Variants in CTSC observed in about 807,000 individuals in gnomAD.
CTSC encodes the protein dipeptidyl peptidase 1.
CTSC carries 37 observed loss-of-function variants against 40.9 expected under a neutral mutation model. The ratio of observed to expected loss-of-function variants is 0.91; its 90% CI spans 0.70 to 1.19. CTSC has a LOEUF of 1.19. Among genes scored for constraint, CTSC ranks in the 50% most tolerant of loss-of-function variants. The pLI is 0.00. For synonymous variants in CTSC, 232 were observed against 207.4 expected (o/e 1.12, Z -1.02); for missense variants, 594 against 567.3 (o/e 1.05, Z -0.48).
intron 4 of CTSC, among the ~76,000 whole-genome samples, chr11:88,304,587 A>G (rs372877398): frequency 1.3e-5 from 2 of 152,216 alleles, no homozygotes; most frequent in Admixed American, 6.5e-5. Flanking sequence ...GATGAGGCTG[A>G]GACCTACTGG....
chr11:88,311,766 G>A (rs1419377518), intron 3 of CTSC, among the ~76,000 whole-genome samples: 1 of 152,180 alleles, frequency 6.6e-6, no homozygotes, highest in Non-Finnish European at 1.5e-5. Context: ...TATAAGAAGA[G>A]GACATTAGGA....
intron 2 of CTSC, among the ~76,000 whole-genome samples, chr11:88,316,611 A>G (rs1048996450): frequency 9.8e-5 from 8 of 81,226 alleles, no homozygotes; most frequent in Admixed American, 5.1e-4. Context: ...CCACAAAAAC[A>G]TAACTATGAC....
At chr11:88,296,799 C>G (rs1944303768) in intron 5 of CTSC, 1 of 176,504 alleles carries the variant, frequency 5.7e-6, no homozygotes, top group East Asian at 1.5e-4. Flanking sequence ...AGAGAGAACT[C>G]TCATCCCTTC....
chr11:88,318,267 T>C (rs1220626154), intron 2 of CTSC, among the ~76,000 whole-genome samples: 1 of 152,244 alleles, frequency 6.6e-6, no homozygotes, highest in East Asian at 1.9e-4. Context: ...GTCTGTCACT[T>C]ATCATTTACG....
chr11:88,326,655 AACATGCTTTAGAAGC>A (rs1474121204), intron 2 of CTSC, among the ~76,000 whole-genome samples: 1 of 152,230 alleles, frequency 6.6e-6, no homozygotes, highest in East Asian at 1.9e-4. Context: ...ACATGCAACC[AACATGCTTTAGAAGC>A]ACATGCATCT....
At position 88,300,624 on chromosome 11, in the gene CTSC, A is replaced by G; in HGVS notation, c.663T>C (p.Thr221=). 6.2e-7 allele frequency: 1 copy of G among 1,613,042 alleles called. No homozygotes were observed. ...GCAAAATCTTTTGCTGTATTTCAGC[A>G]GTCAGTGGTGCAGGTTTGGGCCTAG... The part of the protein sequence containing the change: ...KIPRPKPAPL[T]AEIQQKILHL... Residue 221 remains threonine (T), a synonymous_variant, in exon 5 of 7, where the codon ACT becomes ACC. Coordinates refer to ENST00000227266, the MANE Select transcript of CTSC (RefSeq NM_001814.6).
chr11:88,298,188 G>A (rs931680179), intron 5 of CTSC: 2 of 152,028 alleles, frequency 1.3e-5, no homozygotes, highest in South Asian at 4.1e-4. Context: ...TAGACTTTAC[G>A]CATTATGAAA....
chr11:88,334,479 A>G (rs1229418533), intron 2 of CTSC, among the ~76,000 whole-genome samples: 1 of 152,204 alleles, frequency 6.6e-6, no homozygotes, highest in Non-Finnish European at 1.5e-5. Flanking sequence ...CAACATATTT[A>G]GTACATTTAA....
rs1193333887 is a variant in CTSC at position 88,293,644 on chromosome 11, T to G, written c.*362A>C. On this transcript the variant is annotated 3_prime_UTR_variant, in exon 7 of 7. Transcript: ENST00000227266. ...AAAATATGAGCATCTATTTTAAAAG[T>G]TTTGATAATTATTGCCATTATTTTC... The G allele has an allele frequency of 4.2e-6, 1 of 240,452 alleles. No homozygotes were observed. The highest frequency in any genetic ancestry group is 2.3e-5 in the African/African-American group (1 of 44,048). 14.9% of individuals were successfully genotyped at this position (240,452 alleles called of 1,614,324 possible).
At chr11:88,296,056 C>G (rs1000174430) in intron 6 of CTSC, 77 bp downstream of exon 6, 10 of 1,487,666 alleles carry the variant, frequency 6.7e-6, no homozygotes, top group South Asian at 5.7e-5. Flanking sequence ...ACTGCATCAT[C>G]CTTTTGCCTT....
chr11:88,337,698 G>T lies in CTSC; in HGVS notation c.-26C>A. The T allele has an allele frequency of 1.3e-6, 2 of 1,557,558 alleles. No individual in the cohort carries two copies. On this transcript the variant is annotated 5_prime_UTR_variant, in exon 1 of 7. Transcript: ENST00000227266. Reference sequence around the variant, plus strand: ...GCTGCAGGGAGCTGAGAAAAGAGGTGAAGAATTACCAGGAAGCCGAGCGCT... The same window carrying T: ...GCTGCAGGGAGCTGAGAAAAGAGGTTAAGAATTACCAGGAAGCCGAGCGCT...
intron 2 of CTSC, among the ~76,000 whole-genome samples, chr11:88,327,460 C>T (rs1591241064): frequency 6.6e-6 from 1 of 152,076 alleles, no homozygotes; most frequent in African/African-American, 2.4e-5. Context: ...TCTCTAATCA[C>T]CTATTTCTTC....
intron 2 of CTSC, chr11:88,324,010 ATAC>A (rs1424893535): frequency 6.6e-6 from 1 of 152,204 alleles, no homozygotes; most frequent in African/African-American, 2.4e-5. Context: ...CTTTCATACT[ATAC>A]TACAAGGCTA....
intron 2 of CTSC, among the ~76,000 whole-genome samples, chr11:88,330,137 T>A (rs949090500): frequency 6.6e-6 from 1 of 152,218 alleles, no homozygotes; most frequent in Admixed American, 6.5e-5. Flanking sequence ...TTGTCTTTTG[T>A]TTTGGCCAGC....
intron 2 of CTSC, among the ~76,000 whole-genome samples, chr11:88,332,710 T>C (rs1938393605): frequency 6.6e-6 from 1 of 152,222 alleles, no homozygotes; most frequent in African/African-American, 2.4e-5. Context: ...GAGTGGTTGA[T>C]TTTTCTGCAG....
Position 88,331,470 on chromosome 11 carries a change from T to C in CTSC, c.318+3467A>G, listed in dbSNP as rs994297745. Among the ~76,000 whole-genome samples, 9 of 152,296 alleles carry C rather than the reference T, an allele frequency of 5.9e-5. 1 individual carries two copies. The highest frequency in any genetic ancestry group is 1.9e-4 in the East Asian group (1 of 5,184). On this transcript the variant is annotated intron_variant, in intron 2 of 6. Coordinates refer to ENST00000227266, the MANE Select transcript of CTSC (RefSeq NM_001814.6). ...ATACACAGGCACTTGAAGAGATACA[T>C]AGAGCAAGTTCTGGAAGGGTCCCAG...
intron 2 of CTSC, among the ~76,000 whole-genome samples, chr11:88,333,411 G>A (rs774536357): frequency 2.6e-5 from 4 of 152,112 alleles, no homozygotes; most frequent in Admixed American, 1.3e-4. Context: ...CAAAGAAGAA[G>A]GGATAGAGAC....
At chr11:88,330,639 T>A (rs1050314314) in intron 2 of CTSC, among the ~76,000 whole-genome samples, 1 of 152,116 alleles carries the variant, frequency 6.6e-6, no homozygotes, top group African/African-American at 2.4e-5. Flanking sequence ...TGAGTCACCG[T>A]GCCTGGCTGA....
At chr11:88,322,729 G>C (rs1156345621) in intron 2 of CTSC, 1 of 152,056 alleles carries the variant, frequency 6.6e-6, no homozygotes, top group South Asian at 2.1e-4. Context: ...GAAGAAGTTG[G>C]ATCCCTGAAT....
Sources: allele counts gnomAD v4.1 joint callset (sites outside exome capture counted in the v4.1 genomes callset), GRCh38; gene constraint gnomAD v4.1.1; transcripts MANE v1.5; gene names NCBI Gene and HGNC (gene_info 2026-07-23, HGNC 2026-07-21).